Variants in DOCK3 observed in about 807,000 individuals in gnomAD.
DOCK3 encodes dedicator of cytokinesis 3, also known as dedicator of cytokinesis protein 3.
Under a neutral mutation model 265.6 loss-of-function variants are expected in DOCK3, and 60 were observed. The ratio of observed to expected loss-of-function variants is 0.23; its 90% CI spans 0.18 to 0.28. The LOEUF is 0.28. Ranked by LOEUF, DOCK3 falls within the 10% of genes least tolerant of loss-of-function variation. The pLI, the probability that DOCK3 is intolerant of heterozygous loss-of-function variation, is 1.00. For synonymous variants in DOCK3, 881 were observed against 938.0 expected, an observed-to-expected ratio of 0.94 and a Z score of 1.11; for missense variants, 1,981 against 2,594.3, an observed-to-expected ratio of 0.76 and a Z score of 5.14.
rs13320650 is a variant in DOCK3, at chr3:50,895,598, G to A, written c.218+5517G>A. Among the ~76,000 whole-genome samples, 416 of 152,134 alleles carry A rather than the reference G, an allele frequency of 2.7e-3. 1 individual carries two copies. The highest frequency in any genetic ancestry group is 9.6e-3 in the African/African-American group (399 of 41,488). On this transcript the variant is annotated intron_variant, in intron 4 of 52. Coordinates refer to ENST00000266037, the MANE Select transcript of DOCK3 (RefSeq NM_004947.5). ...TGCTACATAGGTATACATGTGCCATGGTGGTTTGCTGCACCCATCAACCCG... is the reference window on the plus strand; with the variant it reads ...TGCTACATAGGTATACATGTGCCATAGTGGTTTGCTGCACCCATCAACCCG...
intron 5 of DOCK3, among the ~76,000 whole-genome samples, chr3:50,981,467 C>A (rs567241783): frequency 4.4e-4 from 67 of 152,310 alleles, no homozygotes; most frequent in African/African-American, 1.5e-3. Context: ...TCTATTCCAT[C>A]TAAAGTGTAG....
intron 9 of DOCK3, among the ~76,000 whole-genome samples, chr3:51,122,164 G>A (rs1043196223): frequency 1.1e-4 from 16 of 152,188 alleles, no homozygotes; most frequent in Non-Finnish European, 2.2e-4. Context: ...AAAAGCTGAG[G>A]AATAAACTTT....
intron 15 of DOCK3, among the ~76,000 whole-genome samples, chr3:51,226,459 A>C (rs1376267679): frequency 6.6e-6 from 1 of 152,248 alleles, no homozygotes; most frequent in African/African-American, 2.4e-5. Flanking sequence ...ATAGAACAGG[A>C]ATGATCATTC....
rs1389913309 is a variant in DOCK3, at chr3:51,374,666, T to G, written c.5412+79T>G. ...TTCCCTCCTTGCATTTGCGGGGCCTTCTGCATTGTCCTACATGGCTCTCTC... is the reference window on the plus strand; with the variant it reads ...TTCCCTCCTTGCATTTGCGGGGCCTGCTGCATTGTCCTACATGGCTCTCTC... On this transcript the variant is annotated intron_variant, in intron 50 of 52. Coordinates refer to ENST00000266037, the MANE Select transcript of DOCK3 (RefSeq NM_004947.5). The surrounding 1 kb of genome is among the most constrained non-coding windows in gnomAD (Gnocchi z 4.8). The G allele has an allele frequency of 7.5e-7, 1 of 1,338,664 alleles. No individual in the cohort carries two copies. Among genetic ancestry groups the G allele is most frequent in the Admixed American group, 2.0e-5 (1 of 50,752 alleles). 82.9% of individuals were successfully genotyped at this position (1,338,664 alleles called of 1,614,324 possible). A position where few individuals can be genotyped will look rare whatever the true frequency, so the allele number is the denominator to read the frequency against.
chr3:51,308,356 G>A (rs1315208672), intron 27 of DOCK3, among the ~76,000 whole-genome samples: 1 of 151,568 alleles, frequency 6.6e-6, no homozygotes, highest in Non-Finnish European at 1.5e-5. Context: ...CTAGGCAGAG[G>A]ACCCTGCGGC....
chr3:51,221,366 A>G lies in DOCK3; in HGVS notation c.1253-4283A>G, dbSNP rs145201258. ...GTTCCCAGCCAGGTATCAGTAAACT[A>G]TAGCCTATGGGCCAAATCCAGCCAA... On this transcript the variant is annotated intron_variant, in intron 14 of 52. Transcript: ENST00000266037. Among the ~76,000 whole-genome samples, 248 of 152,314 alleles carry G rather than the reference A, an allele frequency of 1.6e-3. 1 individual carries two copies. Among genetic ancestry groups the G allele is most frequent in the Admixed American group, 6.5e-3 (100 of 15,304 alleles).
intron 1 of DOCK3, among the ~76,000 whole-genome samples, chr3:50,704,383 G>C (rs1294236145): frequency 2.0e-5 from 3 of 151,954 alleles, no homozygotes; most frequent in Non-Finnish European, 4.4e-5. Flanking sequence ...AAATTCCCCA[G>C]CTATTATTGT....
chr3:50,798,472 T>C (rs1335126061), intron 2 of DOCK3, among the ~76,000 whole-genome samples: 1 of 152,202 alleles, frequency 6.6e-6, no homozygotes, highest in African/African-American at 2.4e-5. Flanking sequence ...TATGGTCTTA[T>C]TAGTGCCATC....
intron 19 of DOCK3, among the ~76,000 whole-genome samples, chr3:51,231,869 C>T (rs1333915348): frequency 6.6e-6 from 1 of 152,058 alleles, no homozygotes; most frequent in Non-Finnish European, 1.5e-5. Context: ...AGGTTTTCTT[C>T]TAGGATTCTT....
intron 40 of DOCK3, among the ~76,000 whole-genome samples, chr3:51,351,105 C>CA (rs1291922479): frequency 6.6e-6 from 1 of 152,220 alleles, no homozygotes; most frequent in Admixed American, 6.5e-5. Flanking sequence ...CAGCACAACT[C>CA]AGAGGCTCTA....
chr3:51,053,960 T>G (rs2081101065), intron 5 of DOCK3, among the ~76,000 whole-genome samples: 1 of 152,002 alleles, frequency 6.6e-6, no homozygotes, highest in South Asian at 2.1e-4. Flanking sequence ...AATTTTTTTC[T>G]CAATTATATC....
chr3:50,988,598 C>T (rs1484693590), intron 5 of DOCK3, among the ~76,000 whole-genome samples: 1 of 152,194 alleles, frequency 6.6e-6, no homozygotes, highest in Non-Finnish European at 1.5e-5. Context: ...ATGGGACCTC[C>T]CAACCAGGGT....
At chr3:51,299,751 T>C (rs552190343) in intron 27 of DOCK3, among the ~76,000 whole-genome samples, 4 of 152,332 alleles carry the variant, frequency 2.6e-5, no homozygotes, top group South Asian at 2.1e-4. Context: ...CTGAGATCGC[T>C]ATTCTGTTTC....
intron 27 of DOCK3, among the ~76,000 whole-genome samples, chr3:51,301,399 T>G (rs138598643): frequency 6.6e-6 from 1 of 152,220 alleles, no homozygotes; most frequent in East Asian, 1.9e-4. Context: ...TTCATGTCTC[T>G]ATCTCCTTTA....
chr3:51,273,261 G>A (rs1232890772), intron 24 of DOCK3, among the ~76,000 whole-genome samples: 1 of 151,944 alleles, frequency 6.6e-6, no homozygotes, highest in African/African-American at 2.4e-5. Flanking sequence ...ATCTCTGCAT[G>A]TACTTGCTGC....
At chr3:50,770,709 T>A (rs939757546) in intron 1 of DOCK3, among the ~76,000 whole-genome samples, 3 of 152,126 alleles carry the variant, frequency 2.0e-5, no homozygotes, top group African/African-American at 7.2e-5. Context: ...TATAGACGCA[T>A]AGACCAATGG....
intron 4 of DOCK3, among the ~76,000 whole-genome samples, chr3:50,909,248 G>T: frequency 6.6e-6 from 1 of 152,092 alleles, no homozygotes; most frequent in East Asian, 1.9e-4. Context: ...GAATTTGATC[G>T]TGTCATCATG....
chr3:50,883,562 T>G (rs1262143036), intron 3 of DOCK3, among the ~76,000 whole-genome samples: 1 of 152,134 alleles, frequency 6.6e-6, no homozygotes, highest in Admixed American at 6.6e-5. Flanking sequence ...TTTTCCTTCA[T>G]CTGAAAATGT....
At chr3:51,249,701 G>A (rs2079088097) in intron 22 of DOCK3, among the ~76,000 whole-genome samples, 1 of 129,238 alleles carries the variant, frequency 7.7e-6, no homozygotes, top group Admixed American at 7.3e-5. Context: ...GAGGTGAGGG[G>A]CGCCTCTGCC....
Sources: allele counts gnomAD v4.1 joint callset (sites outside exome capture counted in the v4.1 genomes callset), GRCh38; gene constraint gnomAD v4.1.1; non-coding constraint Gnocchi (gnomAD v3.1); transcripts MANE v1.5; gene names NCBI Gene and HGNC (gene_info 2026-07-23, HGNC 2026-07-21).